Variants in SLC6A15 observed in about 807,000 individuals in gnomAD.
SLC6A15 encodes sodium-dependent neutral amino acid transporter B(0)AT2.
In SLC6A15, 33 loss-of-function variants were observed where a neutral mutation model predicts 68.5. The observed-to-expected ratio is 0.48, with a 90% CI of 0.37 to 0.64. The LOEUF is 0.64. Ranked by LOEUF, SLC6A15 falls within the 30% of genes least tolerant of loss-of-function variation. SLC6A15 has a pLI of 0.00. For missense variants in SLC6A15, 747 were observed against 874.3 expected (o/e 0.85, Z 1.84); for synonymous variants, 347 against 301.0 (o/e 1.15, Z -1.58).
intron 6 of SLC6A15, 118 bp downstream of exon 6, chr12:84,876,379 T>G: frequency 1.9e-6 from 1 of 536,006 alleles, no homozygotes; most frequent in Non-Finnish European, 3.2e-6. Flanking sequence ...CAACTATAAT[T>G]TAAAAGTTTA....
At chr12:84,883,354 T>C in intron 5 of SLC6A15, 1 of 992,612 alleles carries the variant, frequency 1.0e-6, no homozygotes, top group Non-Finnish European at 1.2e-6. Context: ...GTTGGAATTA[T>C]TATTAACTAC....
intron 5 of SLC6A15, 143 bp from the exon 6 acceptor site, chr12:84,876,750 T>A (rs934607658): frequency 8.0e-6 from 4 of 498,378 alleles, no homozygotes; most frequent in East Asian, 6.8e-5. Context: ...TAAAGCCATT[T>A]TTTAAGAATG....
chr12:84,908,601 C>CATATATATATATATAT (rs3084056), intron 1 of SLC6A15, among the ~76,000 whole-genome samples: 27 of 140,498 alleles, frequency 1.9e-4, no homozygotes, highest in Non-Finnish European at 2.5e-4. Flanking sequence ...AGTAAAGAAA[C>CATATATATATATATAT]ATATATATAT....
At chr12:84,888,797 G>A (rs1413627825) in intron 2 of SLC6A15, among the ~76,000 whole-genome samples, 1 of 152,120 alleles carries the variant, frequency 6.6e-6, no homozygotes, top group Non-Finnish European at 1.5e-5. Context: ...ACGTTGGCAT[G>A]CTGGATACCT....
intron 1 of SLC6A15, among the ~76,000 whole-genome samples, chr12:84,899,771 C>A (rs1394139520): frequency 6.6e-6 from 1 of 152,118 alleles, no homozygotes; most frequent in African/African-American, 2.4e-5. Context: ...ATATTTACCT[C>A]TTTCTCAATC....
intron 1 of SLC6A15, among the ~76,000 whole-genome samples, chr12:84,900,265 T>G (rs535633957): frequency 2.6e-5 from 4 of 152,062 alleles, no homozygotes; most frequent in African/African-American, 9.6e-5. Context: ...TTCTTAGGTT[T>G]CAATTATATT....
At chr12:84,876,711 A>G (rs1871563902) in intron 5 of SLC6A15, 104 bp from the exon 6 acceptor site, 1 of 533,510 alleles carries the variant, frequency 1.9e-6, no homozygotes, top group African/African-American at 2.0e-5. Context: ...CTGTTTCATG[A>G]CAGGATTAAT....
In SLC6A15 at chr12:84,892,230, T is replaced by C; in HGVS notation, c.-110A>G. ...CTTGATAGGAAGTAAAGACCGAGGA[T>C]GATATCAAATAAATCCTTGATTCAA... On this transcript the variant is annotated 5_prime_UTR_variant, in exon 2 of 12. Coordinates refer to ENST00000266682, the MANE Select transcript of SLC6A15 (RefSeq NM_182767.6). 1 of 1,004,710 alleles carries C rather than the reference T, an allele frequency of 1.0e-6. No homozygotes were observed. Among genetic ancestry groups the C allele is most frequent in the Non-Finnish European group, 1.4e-6 (1 of 698,696 alleles). 62.2% of individuals were successfully genotyped at this position (1,004,710 alleles called of 1,614,324 possible).
intron 1 of SLC6A15, among the ~76,000 whole-genome samples, chr12:84,898,169 A>G (rs571841377): frequency 2.0e-5 from 3 of 152,140 alleles, no homozygotes; most frequent in African/African-American, 7.2e-5. Context: ...GTGAAACCCC[A>G]TCTCTACCAA....
chr12:84,861,567 T>A lies in SLC6A15; in HGVS notation c.*65A>T. 6.6e-7 allele frequency: 1 copy of A among 1,521,524 alleles called. No individual in the cohort carries two copies. The highest frequency in any genetic ancestry group is 1.4e-5 in the African/African-American group (1 of 72,046). The allele number at this position is 1,521,524 out of a possible 1,614,324, so 94.3% of individuals were successfully genotyped here. Reference sequence around the variant, plus strand: ...TCTGATAAGTGAAGCCTAATGCTTCTCCTACTAGGGCCAATGTTCATTGGT... The same window carrying A: ...TCTGATAAGTGAAGCCTAATGCTTCACCTACTAGGGCCAATGTTCATTGGT... On this transcript the variant is annotated 3_prime_UTR_variant, in exon 12 of 12. Transcript: ENST00000266682.
chr12:84,871,797 C>G (rs1487478691), intron 8 of SLC6A15, among the ~76,000 whole-genome samples: 1 of 151,988 alleles, frequency 6.6e-6, no homozygotes, highest in Non-Finnish European at 1.5e-5. Context: ...ACAGTGGCAG[C>G]CAATATAAGG....
At chr12:84,884,541 G>C (rs1225457667) in intron 4 of SLC6A15, among the ~76,000 whole-genome samples, 1 of 151,976 alleles carries the variant, frequency 6.6e-6, no homozygotes, top group African/African-American at 2.4e-5. Context: ...CCTGACCTCA[G>C]GGGCTCTACC....
intron 2 of SLC6A15, among the ~76,000 whole-genome samples, chr12:84,888,218 C>T (rs1872210425): frequency 7.2e-6 from 1 of 139,456 alleles, no homozygotes; most frequent in Non-Finnish European, 1.5e-5. Context: ...GAGCTGAGAT[C>T]GCACCACTGC....
At chr12:84,871,882 G>C (rs1423230111) in intron 8 of SLC6A15, among the ~76,000 whole-genome samples, 1 of 152,156 alleles carries the variant, frequency 6.6e-6, no homozygotes, top group East Asian at 1.9e-4. Context: ...GTTGGGCACG[G>C]TGGCTGAGGC....
In SLC6A15 at chr12:84,883,977, T is replaced by C; in HGVS notation, c.638A>G (p.Asn213Ser). The C allele has an allele frequency of 1.2e-6, 2 of 1,614,208 alleles. No homozygotes were observed. Among genetic ancestry groups the C allele is most frequent in the Non-Finnish European group, 8.5e-7 (1 of 1,180,024 alleles). Residue 213 changes from asparagine to serine, a missense_variant, in exon 5 of 12, where the codon AAT becomes AGT. Transcript: ENST00000266682. ...TTYYWYREAL[N>S]ISSSISESGG... The stretch of plus-strand genomic sequence containing the variant: ...ACTTTCAGAAATGGAACTTGAAATA[T>C]TCAGTGCTTCCCTGTACCAGTAATA...
chr12:84,880,395 C>A (rs1191813804), intron 5 of SLC6A15, among the ~76,000 whole-genome samples: 1 of 152,106 alleles, frequency 6.6e-6, no homozygotes, highest in East Asian at 1.9e-4. Context: ...TCAACCTATT[C>A]ACTGTATTTA....
intron 2 of SLC6A15, among the ~76,000 whole-genome samples, chr12:84,886,621 C>G (rs1289345062): frequency 2.0e-5 from 3 of 150,248 alleles, no homozygotes; most frequent in South Asian, 4.2e-4. Flanking sequence ...TAACTTCTAC[C>G]AGAGACAAAT....
chr12:84,891,886 C>T lies in SLC6A15; in HGVS notation c.235G>A (p.Val79Ile). ...AATCGCCACACATTTCCTAAACCTA[C>T]AGAAAATCCAACTTGGGCCAGGATG... ...QYILAQVGFSVGLGNVWRFPY... is the reference protein window; with the variant it reads ...QYILAQVGFSIGLGNVWRFPY... Residue 79 changes from valine to isoleucine, a missense_variant, in exon 2 of 12, where the codon GTA becomes ATA. Coordinates refer to ENST00000266682, the MANE Select transcript of SLC6A15 (RefSeq NM_182767.6). The T allele has an allele frequency of 1.9e-6, 3 of 1,614,034 alleles. No individual in the cohort carries two copies. In the South Asian group the frequency reaches 3.3e-5, roughly 18 times the overall value.
At chr12:84,889,872 T>C (rs1036332824) in intron 2 of SLC6A15, among the ~76,000 whole-genome samples, 18 of 152,222 alleles carry the variant, frequency 1.2e-4, no homozygotes, top group Admixed American at 9.2e-4. Context: ...CTCTATACTA[T>C]ACCACCTACT....
Sources: allele counts gnomAD v4.1 joint callset (sites outside exome capture counted in the v4.1 genomes callset), GRCh38; gene constraint gnomAD v4.1.1; transcripts MANE v1.5; gene names NCBI Gene and HGNC (gene_info 2026-07-23, HGNC 2026-07-21).